SLC2A4: variants seen among roughly 807,000 people sequenced by gnomAD.
SLC2A4 encodes solute carrier family 2, facilitated glucose transporter member 4.
In SLC2A4, 31 loss-of-function variants were observed where a neutral mutation model predicts 53.3. The observed-to-expected ratio is 0.58, with a 90% CI of 0.44 to 0.78. The LOEUF is 0.78. SLC2A4 is among the 30% of genes least tolerant of loss of function. SLC2A4 has a pLI of 0.00. For missense variants in SLC2A4, 538 were observed against 655.7 expected (o/e 0.82, Z 1.96); for synonymous variants, 276 against 281.9 (o/e 0.98, Z 0.21).
chr17:7,284,770 C>T lies in SLC2A4; in HGVS notation c.916-65C>T, dbSNP rs1400276941. ...CACCAACACCCAGGGTAGGGCCAGC[C>T]TGTTGTGGCTGGAGTAGAGGAAGGG... On this transcript the variant is annotated intron_variant, in intron 7 of 10. Transcript: ENST00000317370. The surrounding 1 kb of genome is among the most constrained non-coding windows in gnomAD (Gnocchi z 7.5). 5 of 1,610,896 alleles carry T rather than the reference C, an allele frequency of 3.1e-6. No homozygotes were observed. The highest frequency in any genetic ancestry group is 2.5e-6 in the Non-Finnish European group (3 of 1,177,172).
At position 7,284,171 on chromosome 17, in the gene SLC2A4, C is replaced by CA. The variant is rs762717294; in HGVS notation, c.565-45dup. The CA allele has an allele frequency of 6.2e-7, 1 of 1,610,742 alleles. No individual in the cohort carries two copies. Among genetic ancestry groups the CA allele is most frequent in the African/African-American group, 1.3e-5 (1 of 75,060 alleles). On this transcript the variant is annotated intron_variant, in intron 5 of 10. Coordinates refer to ENST00000317370, the MANE Select transcript of SLC2A4 (RefSeq NM_001042.3). This position sits in a 1 kb window ranked among gnomAD's most constrained non-coding sequence, Gnocchi z 7.5. The stretch of plus-strand genomic sequence containing the variant: ...AATATGGTGGGCTTCCAAGGTAAGG[C>CA]AGAAGGGCTGAGTGACCTGCCTTCT...
In SLC2A4 at chr17:7,286,422, C is replaced by T. The variant is rs749230563; in HGVS notation, c.1327-4C>T. The T allele has an allele frequency of 6.2e-7, 1 of 1,613,642 alleles. No individual in the cohort carries two copies. Among genetic ancestry groups the T allele is most frequent in the Non-Finnish European group, 8.5e-7 (1 of 1,179,622 alleles). On this transcript the variant is annotated splice_region_variant and splice_polypyrimidine_tract_variant and intron_variant, in intron 10 of 10. Transcript: ENST00000317370. ...GTCAACACCTCTTTCTCCACCTGTC[C>T]CAGGAGGCTATGGGGCCCTACGTCT...
rs72556545 is a variant in SLC2A4 at position 7,283,181 on chromosome 17, C to T, written c.34-64C>T. 6.4e-5 allele frequency: 90 copies of T among 1,395,524 alleles called. No homozygotes were observed. In the African/African-American group the frequency reaches 9.9e-4, roughly 15 times the overall value. 86.4% of individuals were successfully genotyped at this position (1,395,524 alleles called of 1,614,324 possible). A position where few individuals can be genotyped will look rare whatever the true frequency, so the allele number is the denominator to read the frequency against. ...TCAGGCTCCAGCTGGGCCCGGGCCC[C>T]TAGCGGAAGGAAAAAAATCATGGTT... On this transcript the variant is annotated intron_variant, in intron 1 of 10. Transcript: ENST00000317370. This position sits in a 1 kb window ranked among gnomAD's most constrained non-coding sequence, Gnocchi z 5.8.
rs1225389183 is a variant in SLC2A4 at position 7,281,906 on chromosome 17, C to G, written c.-29C>G. The G allele has an allele frequency of 6.3e-7, 1 of 1,597,560 alleles. No homozygotes were observed. The highest frequency in any genetic ancestry group is 8.5e-7 in the Non-Finnish European group (1 of 1,171,948). ...GGATCGGTTCTTTCATCTTCGCCGC[C>G]CCTGCGCGTCCAGCTCTTCTAAGAC... On this transcript the variant is annotated 5_prime_UTR_variant, in exon 1 of 11. Transcript: ENST00000317370.
In SLC2A4 at chr17:7,283,183, AG is replaced by A. The variant is rs762190900; in HGVS notation, c.34-61del. On this transcript the variant is annotated intron_variant, in intron 1 of 10. Transcript: ENST00000317370. The surrounding 1 kb of genome is among the most constrained non-coding windows in gnomAD (Gnocchi z 5.8). ...AGGCTCCAGCTGGGCCCGGGCCCCT[AG>A]CGGAAGGAAAAAAATCATGGTTCCA... 6.4e-5 allele frequency: 89 copies of A among 1,395,722 alleles called. No individual in the cohort carries two copies. The African/African-American group carries it at 9.8e-4, about 15-fold the overall frequency. The allele number at this position is 1,395,722 out of a possible 1,614,324, so 86.5% of individuals were successfully genotyped here.
At position 7,288,114 on chromosome 17, in the gene SLC2A4, G is replaced by A. The variant is rs2072467616; in HGVS notation, c.*1485G>A. 6.6e-6 allele frequency: 1 copy of A among 152,574 alleles called. No homozygotes were observed. The highest frequency in any genetic ancestry group is 1.5e-5 in the Non-Finnish European group (1 of 68,240). 9.5% of individuals were successfully genotyped at this position (152,574 alleles called of 1,614,324 possible). A position where few individuals can be genotyped will look rare whatever the true frequency, so the allele number is the denominator to read the frequency against. ...GATGGGCAGTGAAACCCATGATAGG[G>A]GCACTCTTCACCAGGGACACAGCTG... On this transcript the variant is annotated 3_prime_UTR_variant, in exon 11 of 11. Transcript: ENST00000317370.
rs2072425532 is a variant in SLC2A4, at chr17:7,283,960, C to A, written c.449-14C>A. On this transcript the variant is annotated splice_polypyrimidine_tract_variant and intron_variant, in intron 4 of 10. Transcript: ENST00000317370. This position sits in a 1 kb window ranked among gnomAD's most constrained non-coding sequence, Gnocchi z 5.8. The stretch of plus-strand genomic sequence containing the variant: ...GGACACCTGCCCTCAGCCCTCTCTT[C>A]TTCCCTCGCCCAGGGCTGACATCAG... The A allele has an allele frequency of 1.2e-6, 2 of 1,613,356 alleles. No homozygotes were observed. The highest frequency in any genetic ancestry group is 1.7e-6 in the Non-Finnish European group (2 of 1,179,506).
chr17:7,284,551 G>C lies in SLC2A4; in HGVS notation c.794G>C (p.Arg265Pro). 6.2e-7 allele frequency: 1 copy of C among 1,614,224 alleles called. No homozygotes were observed. Among genetic ancestry groups the C allele is most frequent in the Non-Finnish European group, 8.5e-7 (1 of 1,180,054 alleles). Residue 265 changes from arginine to proline, a missense_variant, in exon 7 of 11, where the codon CGG (arginine) becomes CCG (proline). Physicochemically the swap from Arg to Pro is moderately radical, Grantham distance 103. Coordinates refer to ENST00000317370, the MANE Select transcript of SLC2A4 (RefSeq NM_001042.3). This position sits in a 1 kb window ranked among gnomAD's most constrained non-coding sequence, Gnocchi z 7.5. The part of the protein sequence containing the change: ...GVLAELKDEK[R>P]KLERERPLSL... ...CTGGCTGAGCTGAAGGATGAGAAGC[G>C]GAAGCTGGAGCGTGAGCGGCCACTG...
chr17:7,282,899 G>A lies in SLC2A4; in HGVS notation c.34-346G>A. 1 of 386,400 alleles carries A rather than the reference G, an allele frequency of 2.6e-6. No homozygotes were observed. Among genetic ancestry groups the A allele is most frequent in the Non-Finnish European group, 5.0e-6 (1 of 201,612 alleles). The allele number at this position is 386,400 out of a possible 1,614,324, so 23.9% of individuals were successfully genotyped here. A position where few individuals can be genotyped will look rare whatever the true frequency, so the allele number is the denominator to read the frequency against. ...GCAACATCACCCCCATCTCACAGAG[G>A]ACACTCAGGTTCGGGGCAGGGAAGT... is the stretch of plus-strand genomic sequence containing the variant. On this transcript the variant is annotated intron_variant, in intron 1 of 10. Coordinates refer to ENST00000317370, the MANE Select transcript of SLC2A4 (RefSeq NM_001042.3). This position sits in a 1 kb window ranked among gnomAD's most constrained non-coding sequence, Gnocchi z 4.1.
rs1044508374 is a variant in SLC2A4, at chr17:7,285,195, G to T, written c.1122+6G>T. 8 of 1,589,152 alleles carry T rather than the reference G, an allele frequency of 5.0e-6. No individual in the cohort carries two copies. The highest frequency in any genetic ancestry group is 4.5e-5 in the East Asian group (2 of 44,136). On this transcript the variant is annotated splice_donor_region_variant and intron_variant, in intron 9 of 10. Coordinates refer to ENST00000317370, the MANE Select transcript of SLC2A4 (RefSeq NM_001042.3). This position sits in a 1 kb window ranked among gnomAD's most constrained non-coding sequence, Gnocchi z 6.0. Reference sequence around the variant, plus strand: ...CTGTGGCTCTGCTCCTGCTGGTAAGGCCTGGAGGCTAGGAGGGGCTAGCAG... The same window carrying T: ...CTGTGGCTCTGCTCCTGCTGGTAAGTCCTGGAGGCTAGGAGGGGCTAGCAG...
chr17:7,284,450 T>TC lies in SLC2A4; in HGVS notation c.728-34dup. ...CATCTTGCTAGCACCTGGCTTCCTC[T>TC]CAGGTCCCCTCAGGCCTGACCTTCC... On this transcript the variant is annotated intron_variant, in intron 6 of 10. Transcript: ENST00000317370. The surrounding 1 kb of genome is among the most constrained non-coding windows in gnomAD (Gnocchi z 7.5). 5 of 1,614,134 alleles carry TC rather than the reference T, an allele frequency of 3.1e-6. No homozygotes were observed. The South Asian group carries it at 4.4e-5, about 14-fold the overall frequency.
Position 7,284,124 on chromosome 17 carries a change from TG to T in SLC2A4, c.564+37del, listed in dbSNP as rs1381671469. 1 of 1,610,574 alleles carries T rather than the reference TG, an allele frequency of 6.2e-7. No homozygotes were observed. Among genetic ancestry groups the T allele is most frequent in the Non-Finnish European group, 8.5e-7 (1 of 1,177,496 alleles). On this transcript the variant is annotated intron_variant, in intron 5 of 10. Transcript: ENST00000317370. This position sits in a 1 kb window ranked among gnomAD's most constrained non-coding sequence, Gnocchi z 7.5. The stretch of plus-strand genomic sequence containing the variant: ...GCAAGCCTCATGGGTGCCTGGGCAG[TG>T]GTTAGAGTGGGGCTCTGGAGAATAT...
Position 7,281,901 on chromosome 17 carries a change from G to A in SLC2A4, c.-34G>A. ...CTCCAGGATCGGTTCTTTCATCTTC[G>A]CCGCCCCTGCGCGTCCAGCTCTTCT... On this transcript the variant is annotated 5_prime_UTR_variant, in exon 1 of 11. Transcript: ENST00000317370. 6 of 1,578,990 alleles carry A rather than the reference G, an allele frequency of 3.8e-6. No homozygotes were observed. The highest frequency in any genetic ancestry group is 5.2e-6 in the Non-Finnish European group (6 of 1,161,128).
In SLC2A4 at chr17:7,286,439, C is replaced by T. The variant is rs1166177282; in HGVS notation, c.1340C>T (p.Pro447Leu). The change falls in exon 11 of 11, where the codon CCC becomes CTC. Residue 447 changes from proline (P) to leucine (L), a missense_variant. By Grantham distance (98) the Pro-to-Leu change is moderately conservative. Transcript: ENST00000317370. ...GFQYVAEAMG[P>L]YVFLLFAVLL... ...CACCTGTCCCAGGAGGCTATGGGGC[C>T]CTACGTCTTCCTTCTATTTGCGGTC... The T allele has an allele frequency of 6.2e-7, 1 of 1,614,090 alleles. No individual in the cohort carries two copies. The highest frequency in any genetic ancestry group is 1.1e-5 in the South Asian group (1 of 91,070).
At position 7,283,186 on chromosome 17, in the gene SLC2A4, G is replaced by T; in HGVS notation, c.34-59G>T. Reference sequence around the variant, plus strand: ...CTCCAGCTGGGCCCGGGCCCCTAGCGGAAGGAAAAAAATCATGGTTCCATG... The same window carrying T: ...CTCCAGCTGGGCCCGGGCCCCTAGCTGAAGGAAAAAAATCATGGTTCCATG... On this transcript the variant is annotated intron_variant, in intron 1 of 10. Coordinates refer to ENST00000317370, the MANE Select transcript of SLC2A4 (RefSeq NM_001042.3). The surrounding 1 kb of genome is among the most constrained non-coding windows in gnomAD (Gnocchi z 5.8). 2.1e-6 allele frequency: 3 copies of T among 1,448,300 alleles called. No homozygotes were observed. Among genetic ancestry groups the T allele is most frequent in the Non-Finnish European group, 2.9e-6 (3 of 1,029,540 alleles). 89.7% of individuals were successfully genotyped at this position (1,448,300 alleles called of 1,614,324 possible).
In SLC2A4 at chr17:7,283,317, C is replaced by T. The variant is rs771486330; in HGVS notation, c.106C>T (p.Leu36=). 6.2e-7 allele frequency: 1 copy of T among 1,614,094 alleles called. No individual in the cohort carries two copies. The highest frequency in any genetic ancestry group is 8.5e-7 in the Non-Finnish European group (1 of 1,180,028). The part of the protein sequence containing the change: ...LAVFSAVLGS[L]QFGYNIGVIN... ...TGTGTTCTCTGCGGTGCTTGGCTCC[C>T]TGCAGTTTGGGTACAACATTGGGGT... Residue 36 remains leucine (L), a synonymous_variant, in exon 2 of 11, where the codon CTG becomes TTG. Coordinates refer to ENST00000317370, the MANE Select transcript of SLC2A4 (RefSeq NM_001042.3). The surrounding 1 kb of genome is among the most constrained non-coding windows in gnomAD (Gnocchi z 5.8).
rs1567602153 is a variant in SLC2A4, at chr17:7,284,336, C to T, written c.684C>T (p.Arg228=). ...VLLPFCPESP[R]YLYIIQNLEG... Reference sequence around the variant, plus strand: ...TGCCCTTCTGTCCCGAGAGCCCCCGCTACCTCTACATCATCCAGAATCTCG... The same window carrying T: ...TGCCCTTCTGTCCCGAGAGCCCCCGTTACCTCTACATCATCCAGAATCTCG... The change falls in exon 6 of 11, where the codon CGC becomes CGT. Residue 228 remains arginine (R), a synonymous_variant. Coordinates refer to ENST00000317370, the MANE Select transcript of SLC2A4 (RefSeq NM_001042.3). The surrounding 1 kb of genome is among the most constrained non-coding windows in gnomAD (Gnocchi z 7.5). 6.2e-7 allele frequency: 1 copy of T among 1,614,196 alleles called. No homozygotes were observed. The highest frequency in any genetic ancestry group is 2.2e-5 in the East Asian group (1 of 44,890).
Position 7,282,065 on chromosome 17 carries a change from A to T in SLC2A4, c.33+98A>T. 2 of 990,370 alleles carry T rather than the reference A, an allele frequency of 2.0e-6. No individual in the cohort carries two copies. Among genetic ancestry groups the T allele is most frequent in the Non-Finnish European group, 3.1e-6 (2 of 638,532 alleles). The allele number at this position is 990,370 out of a possible 1,614,324, so 61.3% of individuals were successfully genotyped here. On this transcript the variant is annotated intron_variant, in intron 1 of 10. Transcript: ENST00000317370. The surrounding 1 kb of genome is among the most constrained non-coding windows in gnomAD (Gnocchi z 4.1). ...GGTCAGCTGGGGGTGGTTCCTGCGC[A>T]GGCGCAGGGGGTGAAGGTAGGGGGC...
Position 7,285,746 on chromosome 17 carries a change from C to A in SLC2A4, c.1164C>A (p.Ile388=). The A allele has an allele frequency of 1.2e-6, 2 of 1,614,242 alleles. No homozygotes were observed. The highest frequency in any genetic ancestry group is 1.7e-6 in the Non-Finnish European group (2 of 1,180,054). Residue 388 remains isoleucine (I), a synonymous_variant, in exon 10 of 11, where the codon ATC becomes ATA. Coordinates refer to ENST00000317370, the MANE Select transcript of SLC2A4 (RefSeq NM_001042.3). This position sits in a 1 kb window ranked among gnomAD's most constrained non-coding sequence, Gnocchi z 6.0. ...PAMSYVSIVA[I]FGFVAFFEIG... is the part of the protein sequence containing the mutation. ...TGAGCTACGTCTCCATTGTGGCCAT[C>A]TTTGGCTTCGTGGCATTTTTTGAGA...
Sources: gnomAD v4.1 joint callset for allele counts on GRCh38, gnomAD v4.1.1 for gene constraint, Gnocchi (gnomAD v3.1) non-coding constraint, MANE v1.5 for transcripts, NCBI Gene and HGNC (gene_info 2026-07-23, HGNC 2026-07-21) for gene names.